PDK1: variants seen among roughly 807,000 people sequenced by gnomAD.
PDK1 encodes [Pyruvate dehydrogenase (acetyl-transferring)] kinase isozyme 1, mitochondrial.
In PDK1, 39 loss-of-function variants were observed where a neutral mutation model predicts 54.2. The observed-to-expected ratio is 0.72, with a 90% CI of 0.56 to 0.94. PDK1 has a LOEUF of 0.94. Ranked by LOEUF, PDK1 falls within the 40% of genes least tolerant of loss-of-function variation. The pLI is 0.00. For synonymous variants in PDK1, 221 were observed against 207.1 expected, an observed-to-expected ratio of 1.07 and a Z score of -0.58; for missense variants, 552 against 566.0, an observed-to-expected ratio of 0.98 and a Z score of 0.25.
chr2:172,644,444 T>C, the PDK1 span, among the ~76,000 whole-genome samples: 1 of 152,210 alleles, frequency 6.6e-6, no homozygotes, highest in African/African-American at 2.4e-5. Context: ...GTGTGTAATA[T>C]GGGAATGGTA....
the PDK1 span, among the ~76,000 whole-genome samples, chr2:172,696,404 C>A: frequency 6.6e-6 from 1 of 152,190 alleles, no homozygotes; most frequent in Non-Finnish European, 1.5e-5. Context: ...CACTACCCAA[C>A]TCCTGTTTTT....
chr2:172,559,688 C>A (rs975282826), intron 2 of PDK1, among the ~76,000 whole-genome samples: 1 of 152,122 alleles, frequency 6.6e-6, no homozygotes, highest in Non-Finnish European at 1.5e-5. Flanking sequence ...GCTGGGATTA[C>A]AGGCACCTGC....
chr2:172,595,628 C>T (rs886969896), intron 10 of PDK1, among the ~76,000 whole-genome samples: 1 of 152,192 alleles, frequency 6.6e-6, no homozygotes. Flanking sequence ...ACCTGCACAT[C>T]AGTCAGTGCC....
rs927346144 is a variant in PDK1 at position 172,601,529 on chromosome 2, T to G, written c.*5560T>G. 6.6e-6 allele frequency: 1 copy of G among 152,244 alleles called. No individual in the cohort carries two copies. Among genetic ancestry groups the G allele is most frequent in the African/African-American group, 2.4e-5 (1 of 41,470 alleles). 9.4% of individuals were successfully genotyped at this position (152,244 alleles called of 1,614,324 possible). A position where few individuals can be genotyped will look rare whatever the true frequency, so the allele number is the denominator to read the frequency against. Reference sequence around the variant, plus strand: ...TTTATAAGTATTTGGTAGTTCCTCCTGCATTCATTCTTCCTGCTGCCCTGT... The same window carrying G: ...TTTATAAGTATTTGGTAGTTCCTCCGGCATTCATTCTTCCTGCTGCCCTGT... On this transcript the variant is annotated 3_prime_UTR_variant, in exon 11 of 11. Transcript: ENST00000282077.
the PDK1 span, chr2:172,677,148 C>A: frequency 6.6e-6 from 1 of 152,150 alleles, no homozygotes; most frequent in Admixed American, 6.5e-5. Context: ...GACTTCATTG[C>A]AGTATTCATT....
At chr2:172,560,275 A>G (rs1688585014) in intron 2 of PDK1, among the ~76,000 whole-genome samples, 1 of 152,046 alleles carries the variant, frequency 6.6e-6, no homozygotes, top group Non-Finnish European at 1.5e-5. Flanking sequence ...TTCTCCTGCT[A>G]AGGCAGCTGC....
chr2:172,666,116 T>C, the PDK1 span, among the ~76,000 whole-genome samples: 1 of 152,234 alleles, frequency 6.6e-6, no homozygotes, highest in African/African-American at 2.4e-5. Context: ...TGTTGAGGGC[T>C]GTATATACGA....
the PDK1 span, among the ~76,000 whole-genome samples, chr2:172,719,005 C>G: frequency 6.6e-6 from 1 of 152,180 alleles, no homozygotes; most frequent in Non-Finnish European, 1.5e-5. Flanking sequence ...CAGTTCTTAG[C>G]AAGCTCTGAT....
At chr2:172,712,387 T>C in the PDK1 span, among the ~76,000 whole-genome samples, 33,018 of 152,174 alleles carry the variant, frequency 0.22, 4,792 homozygotes, top group African/African-American at 0.41. Flanking sequence ...CTTTCTGCTC[T>C]CTTGGCCTCG....
the PDK1 span, among the ~76,000 whole-genome samples, chr2:172,639,728 C>T: frequency 2.0e-5 from 3 of 152,076 alleles, no homozygotes; most frequent in Non-Finnish European, 2.9e-5. Flanking sequence ...TTTTGAGGGA[C>T]GTTGGGTCAT....
chr2:172,616,279 T>A, the PDK1 span, among the ~76,000 whole-genome samples: 1 of 152,206 alleles, frequency 6.6e-6, no homozygotes, highest in African/African-American at 2.4e-5. Context: ...TTTGCACATA[T>A]TTGGAATGCT....
the PDK1 span, among the ~76,000 whole-genome samples, chr2:172,624,606 C>A: frequency 6.6e-6 from 1 of 152,124 alleles, no homozygotes; most frequent in Non-Finnish European, 1.5e-5. Context: ...CACTAGAGAT[C>A]ATTTGAGTGG....
chr2:172,688,447 T>C, the PDK1 span, among the ~76,000 whole-genome samples: 1 of 152,198 alleles, frequency 6.6e-6, no homozygotes. Flanking sequence ...CATGACTGTG[T>C]TCTCCTTGCC....
At chr2:172,690,792 A>G in the PDK1 span, among the ~76,000 whole-genome samples, 2 of 141,458 alleles carry the variant, frequency 1.4e-5, no homozygotes, top group African/African-American at 5.0e-5. Context: ...ATAGATGGGA[A>G]TTGAACAATG....
At chr2:172,646,473 T>C in the PDK1 span, among the ~76,000 whole-genome samples, 1 of 150,684 alleles carries the variant, frequency 6.6e-6, no homozygotes, top group Non-Finnish European at 1.5e-5. Context: ...GAATGTTGAA[T>C]TATGGGAATC....
At chr2:172,569,897 G>A (rs930300629) in intron 7 of PDK1, among the ~76,000 whole-genome samples, 9 of 152,092 alleles carry the variant, frequency 5.9e-5, no homozygotes, top group East Asian at 1.9e-4. Context: ...GCATTAACAC[G>A]AATTTTTTCC....
At chr2:172,660,212 C>T in the PDK1 span, among the ~76,000 whole-genome samples, 27 of 128,754 alleles carry the variant, frequency 2.1e-4, no homozygotes, top group African/African-American at 5.8e-4. Flanking sequence ...GTCAGTGTAT[C>T]GATCTATGTA....
At chr2:172,671,557 G>A in the PDK1 span, among the ~76,000 whole-genome samples, 2 of 141,282 alleles carry the variant, frequency 1.4e-5, no homozygotes, top group African/African-American at 5.2e-5. Context: ...TTTTTTGGTT[G>A]TTGTAAAAAT....
At chr2:172,611,451 TA>T (rs1283884174), downstream of PDK1, among the ~76,000 whole-genome samples, 1 of 151,890 alleles carries the variant, frequency 6.6e-6, no homozygotes, top group East Asian at 1.9e-4. Flanking sequence ...ATCAAACATT[TA>T]AAAAAAATTA....
Sources: gnomAD v4.1 joint callset for allele counts (sites outside exome capture counted in the v4.1 genomes callset) on GRCh38, gnomAD v4.1.1 for gene constraint, MANE v1.5 for transcripts, NCBI Gene and HGNC (gene_info 2026-07-23, HGNC 2026-07-21) for gene names.